The following CENPP variants were observed in gnomAD, a reference collection of about 807,000 sequenced individuals.
CENPP encodes centromere protein P.
Under a neutral mutation model 35.6 loss-of-function variants are expected in CENPP, and 24 were observed. The observed-to-expected ratio is 0.67, with a 90% confidence interval of 0.49 to 0.95. CENPP has a LOEUF of 0.95. Among genes scored for constraint, CENPP ranks in the 40% least tolerant of loss-of-function variants. The pLI, the probability that CENPP is intolerant of heterozygous loss-of-function variation, is 0.00. For synonymous variants in CENPP, 120 were observed against 125.5 expected, an observed-to-expected ratio of 0.96 and a Z score of 0.29; for missense variants, 332 against 345.3, an observed-to-expected ratio of 0.96 and a Z score of 0.31.
chr9:92,374,843 C>G, intron 4 of CENPP, among the ~76,000 whole-genome samples: 1 of 152,064 alleles, frequency 6.6e-6, no homozygotes, highest in Admixed American at 6.6e-5. Context: ...TCCTTTTAGC[C>G]TGAAGAATTC....
At chr9:92,569,864 T>C (rs1469329825) in intron 5 of CENPP, among the ~76,000 whole-genome samples, 6 of 152,336 alleles carry the variant, frequency 3.9e-5, no homozygotes, top group Admixed American at 1.3e-4. Context: ...AGTTCACTCA[T>C]GATTTGGCTC....
intron 5 of CENPP, among the ~76,000 whole-genome samples, chr9:92,412,914 T>A (rs1323183643): frequency 6.6e-6 from 1 of 151,548 alleles, no homozygotes; most frequent in Non-Finnish European, 1.5e-5. Context: ...TGTGAACATG[T>A]GTGTTCAGTT....
chr9:92,601,005 CTTG>C (rs1288884501), intron 5 of CENPP, among the ~76,000 whole-genome samples: 1 of 152,068 alleles, frequency 6.6e-6, no homozygotes, highest in Non-Finnish European at 1.5e-5. Flanking sequence ...GCTGTGCTCC[CTTG>C]TTTTTTACCA....
intron 5 of CENPP, among the ~76,000 whole-genome samples, chr9:92,467,367 T>A (rs1845353467): frequency 1.3e-5 from 2 of 152,208 alleles, no homozygotes; most frequent in Non-Finnish European, 2.9e-5. Flanking sequence ...AAACTGGGAA[T>A]GTCCTAGGCA....
At chr9:92,349,936 A>G (rs1041008746) in intron 4 of CENPP, among the ~76,000 whole-genome samples, 2 of 152,172 alleles carry the variant, frequency 1.3e-5, no homozygotes, top group African/African-American at 4.8e-5. Flanking sequence ...CAGAAGTGGA[A>G]TTGCTGAGTC....
chr9:92,502,389 T>C, intron 5 of CENPP: 1 of 1,227,580 alleles, frequency 8.1e-7, no homozygotes. Flanking sequence ...GAAACGATTC[T>C]GTCTCCGAGC....
At chr9:92,548,139 G>A (rs1182333506) in intron 5 of CENPP, among the ~76,000 whole-genome samples, 1 of 152,162 alleles carries the variant, frequency 6.6e-6, no homozygotes, top group African/African-American at 2.4e-5. Flanking sequence ...CCAGATTGCT[G>A]CTGCATGTGT....
At chr9:92,605,663 AC>A (rs1216283972) in intron 5 of CENPP, among the ~76,000 whole-genome samples, 1 of 152,208 alleles carries the variant, frequency 6.6e-6, no homozygotes, top group Non-Finnish European at 1.5e-5. Flanking sequence ...TGGATCAAAG[AC>A]CTAACTTTAA....
In CENPP at chr9:92,619,376, C is replaced by A; in HGVS notation, c.*6227C>A. 4.7e-6 allele frequency: 4 copies of A among 844,528 alleles called. No individual in the cohort carries two copies. Among genetic ancestry groups the A allele is most frequent in the South Asian group, 1.5e-5 (1 of 66,188 alleles). The allele number at this position is 844,528 out of a possible 1,614,324, so 52.3% of individuals were successfully genotyped here. On this transcript the variant is annotated 3_prime_UTR_variant, in exon 8 of 8. Coordinates refer to ENST00000375587, the MANE Select transcript of CENPP (RefSeq NM_001012267.3). ...ATAGGCCAAGGAAGTTATGTCACTCCGCCATGGAGTCTCTAAATATGGGGA... is the reference window on the plus strand; with the variant it reads ...ATAGGCCAAGGAAGTTATGTCACTCAGCCATGGAGTCTCTAAATATGGGGA...
intron 4 of CENPP, among the ~76,000 whole-genome samples, chr9:92,375,790 G>A (rs1842111942): frequency 6.6e-6 from 1 of 150,740 alleles, no homozygotes; most frequent in Non-Finnish European, 1.5e-5. Context: ...ATTTAAGACA[G>A]TTGATTTAAA....
At chr9:92,594,639 G>T (rs1415202480) in intron 5 of CENPP, among the ~76,000 whole-genome samples, 3 of 151,916 alleles carry the variant, frequency 2.0e-5, no homozygotes, top group Non-Finnish European at 2.9e-5. Context: ...AGCTCTTGAT[G>T]TAATACAAAA....
intron 5 of CENPP, chr9:92,514,744 A>C: frequency 6.2e-7 from 1 of 1,614,156 alleles, no homozygotes; most frequent in South Asian, 1.1e-5. Flanking sequence ...TGGCAGGCGC[A>C]GTGTGCCTCT....
intron 5 of CENPP, among the ~76,000 whole-genome samples, chr9:92,532,022 T>TTTATTTA (rs1248500410): frequency 7.8e-6 from 1 of 127,956 alleles, no homozygotes; most frequent in Non-Finnish European, 1.6e-5. Flanking sequence ...AATGTTTTTT[T>TTTATTTA]TTTTTTATTT....
chr9:92,447,990 C>T (rs1588135701), intron 5 of CENPP, among the ~76,000 whole-genome samples: 1 of 152,048 alleles, frequency 6.6e-6, no homozygotes, highest in East Asian at 1.9e-4. Context: ...GAAGGACTCA[C>T]CCTAAAGGTA....
At chr9:92,433,909 G>T (rs1011118197) in intron 5 of CENPP, among the ~76,000 whole-genome samples, 17 of 151,800 alleles carry the variant, frequency 1.1e-4, no homozygotes, top group African/African-American at 4.1e-4. Flanking sequence ...CTCCAGCCTG[G>T]GTGACAGAGC....
Position 92,460,024 on chromosome 9 carries a change from C to T in CENPP, c.564+80165C>T, listed in dbSNP as rs557224445. ...ATTTTCTTCTTTTCACTTGATTCGC[C>T]CCTATCAGCAGAGGTGGTAATAACG... On this transcript the variant is annotated intron_variant, in intron 5 of 7. Coordinates refer to ENST00000375587, the MANE Select transcript of CENPP (RefSeq NM_001012267.3). Among the ~76,000 whole-genome samples, 7 of 151,430 alleles carry T rather than the reference C, an allele frequency of 4.6e-5. No individual in the cohort carries two copies. The East Asian group carries it at 1.4e-3, about 29-fold the overall frequency.
Position 92,348,326 on chromosome 9 carries a change from A to T in CENPP, c.467+2539A>T, listed in dbSNP as rs1247662214. Among the ~76,000 whole-genome samples, 4 of 149,616 alleles carry T rather than the reference A, an allele frequency of 2.7e-5. No individual in the cohort carries two copies. The East Asian group carries it at 5.9e-4, about 22-fold the overall frequency. Reference sequence around the variant, plus strand: ...CCAACATTCTTCATTTCTTTATTTCATTCTTCATTTCATTTGATTCAGATT... The same window carrying T: ...CCAACATTCTTCATTTCTTTATTTCTTTCTTCATTTCATTTGATTCAGATT... On this transcript the variant is annotated intron_variant, in intron 4 of 7. Coordinates refer to ENST00000375587, the MANE Select transcript of CENPP (RefSeq NM_001012267.3).
chr9:92,387,218 C>T (rs1842468215), intron 5 of CENPP, among the ~76,000 whole-genome samples: 2 of 151,744 alleles, frequency 1.3e-5, no homozygotes, highest in African/African-American at 2.4e-5. Context: ...ACTAAAAATA[C>T]AAAAATTAAC....
At chr9:92,347,925 T>A (rs1489937508) in intron 4 of CENPP, among the ~76,000 whole-genome samples, 2 of 152,066 alleles carry the variant, frequency 1.3e-5, no homozygotes, top group Admixed American at 6.6e-5. Context: ...AAAACTTGTT[T>A]TGTTTTGTTT....
Sources: gnomAD v4.1 joint callset for allele counts (sites outside exome capture counted in the v4.1 genomes callset) on GRCh38, gnomAD v4.1.1 for gene constraint, MANE v1.5 for transcripts, NCBI Gene and HGNC (gene_info 2026-07-23, HGNC 2026-07-21) for gene names.